AGAP2: variants seen among roughly 807,000 people sequenced by gnomAD.
The protein encoded by AGAP2 is ArfGAP with GTPase domain, ankyrin repeat and PH domain 2, also known as arf-GAP with GTPase, ANK repeat and PH domain-containing protein 2.
AGAP2 carries 32 observed loss-of-function variants against 110.9 expected under a neutral mutation model. The observed-to-expected ratio is 0.29, with a 90% confidence interval of 0.22 to 0.39. The LOEUF is 0.39. Ranked by LOEUF, AGAP2 falls within the 10% of genes least tolerant of loss-of-function variation. The probability of loss-of-function intolerance (pLI) is 1.00; values close to 1 mark genes in which losing one functional copy is unlikely to be tolerated. For missense variants in AGAP2, 1,285 were observed against 1,638.5 expected, an observed-to-expected ratio of 0.78 and a Z score of 3.72; for synonymous variants, 702 against 713.0, an observed-to-expected ratio of 0.98 and a Z score of 0.25.
Position 57,738,315 on chromosome 12 carries a change from A to T in AGAP2, c.-69T>A. On this transcript the variant is annotated 5_prime_UTR_variant, in exon 1 of 19. It removes an upstream start codon present in the reference 5' UTR. Coordinates refer to ENST00000547588, the MANE Select transcript of AGAP2 (RefSeq NM_001122772.3). The surrounding 1 kb of genome is among the most constrained non-coding windows in gnomAD (Gnocchi z 6.7). The stretch of plus-strand genomic sequence containing the variant: ...CGGACTGCCTCAGGGGGGCCCGGCC[A>T]TGGGGCCGCCCTGCTCGCTGCCCCC... 7.2e-7 allele frequency: 1 copy of T among 1,386,842 alleles called. No individual in the cohort carries two copies. Among genetic ancestry groups the T allele is most frequent in the Non-Finnish European group, 9.3e-7 (1 of 1,076,192 alleles). 85.9% of individuals were successfully genotyped at this position (1,386,842 alleles called of 1,614,324 possible). A position where few individuals can be genotyped will look rare whatever the true frequency, so the allele number is the denominator to read the frequency against.
At chr12:57,728,626 C>T (rs1004135673) in intron 13 of AGAP2, among the ~76,000 whole-genome samples, 14 of 151,928 alleles carry the variant, frequency 9.2e-5, no homozygotes, top group Admixed American at 2.6e-4. Flanking sequence ...TCTGAGCACC[C>T]GGCAGAGAGC....
intron 12 of AGAP2, 51 bp downstream of exon 12, chr12:57,730,444 T>C: frequency 6.2e-7 from 1 of 1,604,748 alleles, no homozygotes; most frequent in South Asian, 1.1e-5. Flanking sequence ...TTTCCCACAC[T>C]CATCCTATTT....
chr12:57,735,374 G>A lies in AGAP2; in HGVS notation c.1222C>T (p.Arg408Cys), dbSNP rs748818725. The A allele has an allele frequency of 6.8e-6, 11 of 1,613,892 alleles. No homozygotes were observed. In the South Asian group the frequency reaches 9.9e-5, roughly 15 times the overall value. The change falls in exon 2 of 19, where the codon CGC becomes TGC. Residue 408 changes from arginine (R) to cysteine (C), a missense_variant. By Grantham distance (180) the Arg-to-Cys change is radical. Coordinates refer to ENST00000547588, the MANE Select transcript of AGAP2 (RefSeq NM_001122772.3). ...WTLSRSIPEL[R>C]LGVLGDARSG... The stretch of plus-strand genomic sequence containing the variant: ...AAGGGGACTGGGTTACCTACCAGGC[G>A]CAGTTCAGGAATGGAGCGGCTCAAA...
chr12:57,734,036 C>T lies in AGAP2; in HGVS notation c.1539G>A (p.Val513=). The change falls in exon 5 of 19, where the codon GTG becomes GTA. Residue 513 remains valine, a synonymous_variant. Coordinates refer to ENST00000547588, the MANE Select transcript of AGAP2 (RefSeq NM_001122772.3). Reference sequence around the variant, plus strand: ...CTAACCCCTCCTTACCTTGTGTCCCCACCAGTGCCAAGGCCAGGCCTCCTC... The same window carrying T: ...CTAACCCCTCCTTACCTTGTGTCCCTACCAGTGCCAAGGCCAGGCCTCCTC... ...EGRGGLALAL[V]GTQDRISASS... 2 of 1,595,734 alleles carry T rather than the reference C, an allele frequency of 1.3e-6. No homozygotes were observed. Among genetic ancestry groups the T allele is most frequent in the East Asian group, 4.5e-5 (2 of 44,742 alleles).
At chr12:57,729,456 C>T (rs1462983596) in intron 13 of AGAP2, among the ~76,000 whole-genome samples, 183 bp downstream of exon 13, 1 of 150,674 alleles carries the variant, frequency 6.6e-6, no homozygotes. Flanking sequence ...AGCTGGGGAA[C>T]AAGGAAAGAA....
upstream of AGAP2, among the ~76,000 whole-genome samples, chr12:57,739,187 T>A (rs948843589): frequency 1.3e-5 from 2 of 151,546 alleles, no homozygotes; most frequent in African/African-American, 4.9e-5. Context: ...CATTTAGGGA[T>A]AAGGGTGAAA....
Position 57,738,165 on chromosome 12 carries a change from G to T in AGAP2, c.82C>A (p.Pro28Thr). The T allele has an allele frequency of 1.3e-6, 2 of 1,524,314 alleles. No homozygotes were observed. The highest frequency in any genetic ancestry group is 1.8e-6 in the Non-Finnish European group (2 of 1,141,066). The allele number at this position is 1,524,314 out of a possible 1,614,324, so 94.4% of individuals were successfully genotyped here. ...SLTLVKLESV[P>T]PPPPSPSAAA... ...GCAGACGGAGAAGGCGGCGGCGGAG[G>T]CACCGACTCGAGCTTAACCAGGGTC... Residue 28 changes from proline (P) to threonine (T), a missense_variant, in exon 1 of 19, where the codon CCT becomes ACT. Coordinates refer to ENST00000547588, the MANE Select transcript of AGAP2 (RefSeq NM_001122772.3). The surrounding 1 kb of genome is among the most constrained non-coding windows in gnomAD (Gnocchi z 6.7).
rs1248226257 is a variant in AGAP2 at position 57,737,160 on chromosome 12, C to T, written c.1087G>A (p.Gly363Arg). The T allele has an allele frequency of 1.3e-6, 2 of 1,574,816 alleles. No homozygotes were observed. Among genetic ancestry groups the T allele is most frequent in the Non-Finnish European group, 8.6e-7 (1 of 1,160,600 alleles). ...TKSTGGPPGS[G>R]PLPGPPSLSS... The stretch of plus-strand genomic sequence containing the variant: ...AGGCTGGGGGGTCCGGGAAGGGGCC[C>T]GGAGCCAGGAGGCCCTCCTGTGCTC... The change falls in exon 1 of 19, where the codon GGG becomes AGG. Residue 363 changes from glycine to arginine, a missense_variant. By Grantham distance (125) the Gly-to-Arg change is moderately radical (BLOSUM62 -2). Coordinates refer to ENST00000547588, the MANE Select transcript of AGAP2 (RefSeq NM_001122772.3). The surrounding 1 kb of genome is among the most constrained non-coding windows in gnomAD (Gnocchi z 5.9).
At position 57,731,346 on chromosome 12, in the gene AGAP2, G is replaced by A; in HGVS notation, c.2145+20C>T. On this transcript the variant is annotated intron_variant, in intron 10 of 18. Coordinates refer to ENST00000547588, the MANE Select transcript of AGAP2 (RefSeq NM_001122772.3). ...GGGAAATCCAAAGCTGGCCAATGTG[G>A]CCCAGTCTCTGCCACTCACGTTAAT... 1 of 1,590,366 alleles carries A rather than the reference G, an allele frequency of 6.3e-7. No homozygotes were observed. The highest frequency in any genetic ancestry group is 8.6e-7 in the Non-Finnish European group (1 of 1,158,356).
chr12:57,731,698 C>T (rs567510147), intron 8 of AGAP2, 56 bp from the exon 9 acceptor site: 56 of 1,609,318 alleles, frequency 3.5e-5, no homozygotes, highest in African/African-American at 4.0e-5. Context: ...ACTGATGTGA[C>T]GATAGGGAAG....
At chr12:57,730,437 C>G in intron 12 of AGAP2, 58 bp downstream of exon 12, 1 of 1,599,896 alleles carries the variant, frequency 6.3e-7, no homozygotes, top group Non-Finnish European at 8.5e-7. Context: ...ATATTCATTT[C>G]CCACACTCAT....
At position 57,731,985 on chromosome 12, in the gene AGAP2, AG is replaced by A. The variant is rs769071108; in HGVS notation, c.1795-19del. The A allele has an allele frequency of 5.6e-6, 9 of 1,611,990 alleles. No homozygotes were observed. The highest frequency in any genetic ancestry group is 6.8e-6 in the Non-Finnish European group (8 of 1,179,444). On this transcript the variant is annotated intron_variant, in intron 7 of 18. Transcript: ENST00000547588. Reference sequence around the variant, plus strand: ...TTACTAGCCTGGGCACATATGGAAGAGTCAGCAGAGCTGAGATGCCCCCTAC... The same window carrying A: ...TTACTAGCCTGGGCACATATGGAAGATCAGCAGAGCTGAGATGCCCCCTAC...
rs1199485046 is a variant in AGAP2 at position 57,737,949 on chromosome 12, G to T, written c.298C>A (p.Pro100Thr). ...GGAGCGGGGGAGACTGGGCGGGCCG[G>T]ACTGGCCGGAGCCGGGGACAGGGCT... ...PPALSPAPAS[P>T]ARPVSPAPGR... is the part of the protein sequence containing the mutation. The change falls in exon 1 of 19, where the codon CCG becomes ACG. Residue 100 changes from proline to threonine, a missense_variant. By Grantham distance (38) the Pro-to-Thr change is conservative. This residue lies in a region of AGAP2 where 844 missense variants were observed against 941.2 expected (regional missense o/e 0.90). Coordinates refer to ENST00000547588, the MANE Select transcript of AGAP2 (RefSeq NM_001122772.3). The surrounding 1 kb of genome is among the most constrained non-coding windows in gnomAD (Gnocchi z 5.9). The T allele has an allele frequency of 1.4e-6, 2 of 1,397,282 alleles. No individual in the cohort carries two copies. Among genetic ancestry groups the T allele is most frequent in the Non-Finnish European group, 1.8e-6 (2 of 1,086,338 alleles). The allele number at this position is 1,397,282 out of a possible 1,614,324, so 86.6% of individuals were successfully genotyped here.
At chr12:57,739,210 G>A (rs1955046885), upstream of AGAP2, among the ~76,000 whole-genome samples, 2 of 151,464 alleles carry the variant, frequency 1.3e-5, no homozygotes, top group Non-Finnish European at 1.5e-5. Flanking sequence ...CGATCTATTG[G>A]GTGGACAGGG....
At chr12:57,728,110 A>AT (rs1450547329) in intron 14 of AGAP2, 25 bp from the exon 15 acceptor site, 12 of 1,572,048 alleles carry the variant, frequency 7.6e-6, no homozygotes, top group Non-Finnish European at 1.0e-5. Flanking sequence ...GGATGGGGTC[A>AT]TTAAGGGACA....
At chr12:57,741,447 G>A (rs1955075405), upstream of AGAP2, among the ~76,000 whole-genome samples, 1 of 152,122 alleles carries the variant, frequency 6.6e-6, no homozygotes, top group Non-Finnish European at 1.5e-5. Context: ...ACTTCAATGT[G>A]CATGCGTGTG....
chr12:57,733,787 A>C (rs1431700450), intron 5 of AGAP2, among the ~76,000 whole-genome samples: 5 of 152,194 alleles, frequency 3.3e-5, no homozygotes, highest in Admixed American at 6.5e-5. Context: ...AGAGGCAAGG[A>C]GATGGCTACT....
At chr12:57,739,864 T>A (rs1214594634), upstream of AGAP2, 1 of 152,250 alleles carries the variant, frequency 6.6e-6, no homozygotes, top group Non-Finnish European at 1.5e-5. Flanking sequence ...GTGGGATTCT[T>A]TCAGAAGATT....
Position 57,730,491 on chromosome 12 carries a change from T to C in AGAP2, c.2428+4A>G. On this transcript the variant is annotated splice_donor_region_variant and intron_variant, in intron 12 of 18. Transcript: ENST00000547588. Reference sequence around the variant, plus strand: ...ACAGCAGATGGAAGGTCATCCCCACTGACCCGTGCTGAGGGCTCGGGCCAA... The same window carrying C: ...ACAGCAGATGGAAGGTCATCCCCACCGACCCGTGCTGAGGGCTCGGGCCAA... The C allele has an allele frequency of 1.2e-6, 2 of 1,613,894 alleles. No homozygotes were observed. Among genetic ancestry groups the C allele is most frequent in the Non-Finnish European group, 1.7e-6 (2 of 1,179,926 alleles).
Sources: gnomAD v4.1 joint callset for allele counts (sites outside exome capture counted in the v4.1 genomes callset) on GRCh38, gnomAD v4.1.1 for gene constraint, gnomAD v4.1.1 regional missense constraint, Gnocchi (gnomAD v3.1) non-coding constraint, MANE v1.5 for transcripts, NCBI Gene and HGNC (gene_info 2026-07-23, HGNC 2026-07-21) for gene names.